Variants in MTCL3 observed in about 807,000 individuals in gnomAD.
MTCL3 encodes MTCL family member 3, also known as microtubule cross-linking factor 3.
At chr6:127,494,849 CAG>C in the MTCL3 span, among the ~76,000 whole-genome samples, 1 of 152,138 alleles carries the variant, frequency 6.6e-6, no homozygotes, top group Admixed American at 6.5e-5. Flanking sequence ...GCAAAAGCCT[CAG>C]AGAACTCCAC....
the MTCL3 span, among the ~76,000 whole-genome samples, chr6:127,512,519 A>G: frequency 3.3e-5 from 5 of 152,196 alleles, no homozygotes; most frequent in Non-Finnish European, 5.9e-5. Context: ...TATGAACTCA[A>G]TTGTAAGTAA....
chr6:127,509,375 G>A, the MTCL3 span, among the ~76,000 whole-genome samples: 2 of 152,192 alleles, frequency 1.3e-5, no homozygotes, highest in Admixed American at 1.3e-4. Context: ...ACCTTGTGCA[G>A]CCACCAGTCC....
chr6:127,486,484 C>A, the MTCL3 span, among the ~76,000 whole-genome samples: 2 of 152,088 alleles, frequency 1.3e-5, no homozygotes, highest in African/African-American at 2.4e-5. Context: ...AACTGTGTAA[C>A]CTCCCCCCTT....
At chr6:127,514,729 G>T in the MTCL3 span, 2 of 965,094 alleles carry the variant, frequency 2.1e-6, no homozygotes, top group East Asian at 2.6e-5. Flanking sequence ...CTCCTTGCCA[G>T]TCGCCACTGA....
chr6:127,473,425 T>C, the MTCL3 span: 1 of 1,430,370 alleles, frequency 7.0e-7, no homozygotes, highest in Non-Finnish European at 9.4e-7. Flanking sequence ...AAGAGAAGAG[T>C]TAATTAATAA....
chr6:127,511,354 GTCAAT>G, the MTCL3 span, among the ~76,000 whole-genome samples: 22 of 152,234 alleles, frequency 1.4e-4, no homozygotes, highest in East Asian at 4.2e-3. Context: ...ATAAATGAAA[GTCAAT>G]TTTTGACATA....
At chr6:127,476,160 A>G in the MTCL3 span, 2 of 1,613,972 alleles carry the variant, frequency 1.2e-6, no homozygotes, top group African/African-American at 2.7e-5. The surrounding 1 kb of genome is among the most constrained non-coding windows in gnomAD (Gnocchi z 4.4). Flanking sequence ...CATCGCCCCT[A>G]AGGTCGTCCA....
At chr6:127,514,801 A>G in the MTCL3 span, 1 of 1,598,214 alleles carries the variant, frequency 6.3e-7, no homozygotes, top group East Asian at 2.2e-5. Flanking sequence ...GCCGCGCGCC[A>G]TTGAGCCCCC....
chr6:127,501,721 T>C, the MTCL3 span, among the ~76,000 whole-genome samples: 1 of 152,178 alleles, frequency 6.6e-6, no homozygotes, highest in South Asian at 2.1e-4. Context: ...AAGTGAAATA[T>C]ATAAGTATAA....
the MTCL3 span, among the ~76,000 whole-genome samples, chr6:127,505,586 G>A: frequency 5.3e-5 from 8 of 152,240 alleles, no homozygotes; most frequent in East Asian, 1.2e-3. Flanking sequence ...TAATACCTGA[G>A]TGATGAAATA....
the MTCL3 span, among the ~76,000 whole-genome samples, chr6:127,504,132 G>T: frequency 6.6e-6 from 1 of 152,142 alleles, no homozygotes; most frequent in Non-Finnish European, 1.5e-5. Context: ...TATTACAGAA[G>T]AAGGTGGTCT....
chr6:127,508,328 A>G, the MTCL3 span, among the ~76,000 whole-genome samples: 2 of 152,372 alleles, frequency 1.3e-5, no homozygotes, highest in African/African-American at 2.4e-5. Context: ...GAATTTGCCT[A>G]TTAAAGTGTT....
the MTCL3 span, among the ~76,000 whole-genome samples, chr6:127,478,248 T>G: frequency 6.6e-6 from 1 of 152,172 alleles, no homozygotes; most frequent in Non-Finnish European, 1.5e-5. Flanking sequence ...GTATGGCCAA[T>G]AGCAAGGATA....
the MTCL3 span, among the ~76,000 whole-genome samples, chr6:127,495,129 G>A: frequency 1.4e-3 from 213 of 151,846 alleles, no homozygotes; most frequent in African/African-American, 4.9e-3. Flanking sequence ...CCTAGGAGGC[G>A]GAGCTTGCAG....
chr6:127,504,951 T>C, the MTCL3 span, among the ~76,000 whole-genome samples: 1 of 152,154 alleles, frequency 6.6e-6, no homozygotes, highest in African/African-American at 2.4e-5. Flanking sequence ...TAGAATCATA[T>C]GGTTAAAAAC....
chr6:127,505,336 C>T, the MTCL3 span, among the ~76,000 whole-genome samples: 1 of 152,102 alleles, frequency 6.6e-6, no homozygotes, highest in Non-Finnish European at 1.5e-5. Flanking sequence ...TAGTATGCAG[C>T]CATAAAAAGA....
the MTCL3 span, among the ~76,000 whole-genome samples, chr6:127,485,012 C>A: frequency 6.6e-6 from 1 of 152,090 alleles, no homozygotes; most frequent in African/African-American, 2.4e-5. Context: ...ACCACTGATT[C>A]AGAAACTCTG....
the MTCL3 span, chr6:127,515,130 C>G: frequency 1.2e-5 from 15 of 1,245,638 alleles, no homozygotes; most frequent in Non-Finnish European, 1.7e-5. This position sits in a 1 kb window ranked among gnomAD's most constrained non-coding sequence, Gnocchi z 4.3. Context: ...CATTCCAATT[C>G]CAAATTCTCA....
At chr6:127,515,968 G>A in the MTCL3 span, 2 of 1,602,970 alleles carry the variant, frequency 1.2e-6, no homozygotes, top group Admixed American at 1.7e-5. This position sits in a 1 kb window ranked among gnomAD's most constrained non-coding sequence, Gnocchi z 4.3. Flanking sequence ...GGATGGAGAA[G>A]GGGAGGCCCC....
Sources: allele counts gnomAD v4.1 joint callset (sites outside exome capture counted in the v4.1 genomes callset), GRCh38; gene constraint gnomAD v4.1.1; non-coding constraint Gnocchi (gnomAD v3.1); transcripts MANE v1.5; gene names NCBI Gene and HGNC (gene_info 2026-07-23, HGNC 2026-07-21).